CEMIP: variants seen among roughly 807,000 people sequenced by gnomAD.
CEMIP encodes cell migration-inducing and hyaluronan-binding protein.
CEMIP carries 105 observed loss-of-function variants against 156.9 expected under a neutral mutation model. The observed-to-expected ratio is 0.67, with a 90% confidence interval of 0.57 to 0.79. The LOEUF (loss-of-function observed/expected upper bound fraction) is 0.79, where lower values mean the gene tolerates loss of function less well. Among genes scored for constraint, CEMIP ranks in the 30% least tolerant of loss-of-function variants. The probability of loss-of-function intolerance (pLI) is 0.00; values close to 1 mark genes in which losing one functional copy is unlikely to be tolerated. For synonymous variants in CEMIP, 676 were observed against 668.4 expected (o/e 1.01, Z -0.17); for missense variants, 1,457 against 1,769.4 (o/e 0.82, Z 3.17).
Position 80,895,988 on chromosome 15 carries a change from T to G in CEMIP, c.1339T>G (p.Ser447Ala). The change falls in exon 12 of 30, where the codon TCC (serine) becomes GCC (alanine). Residue 447 changes from serine (S) to alanine (A), a missense_variant. Physicochemically the swap from Ser to Ala is moderately conservative, Grantham distance 99. Transcript: ENST00000394685. Reference protein sequence around the residue: ...DTLVIASTDYSMYQAEEFQVL... With the variant: ...DTLVIASTDYAMYQAEEFQVL... Reference sequence around the variant, plus strand: ...CCTGGTCATTGCCAGTACTGATTACTCCATGTACCAGGCAGAAGAGTTCCA... The same window carrying G: ...CCTGGTCATTGCCAGTACTGATTACGCCATGTACCAGGCAGAAGAGTTCCA... 6.2e-7 allele frequency: 1 copy of G among 1,614,192 alleles called. No individual in the cohort carries two copies. Among genetic ancestry groups the G allele is most frequent in the Non-Finnish European group, 8.5e-7 (1 of 1,180,030 alleles).
chr15:80,817,600 C>CAA (rs1896815493), intron 1 of CEMIP, among the ~76,000 whole-genome samples: 1 of 57,074 alleles, frequency 1.8e-5, no homozygotes, highest in Non-Finnish European at 3.6e-5. Flanking sequence ...GACCCTGTCT[C>CAA]AAAATAATAA....
At chr15:80,835,685 A>G (rs1291195545) in intron 1 of CEMIP, among the ~76,000 whole-genome samples, 4 of 152,210 alleles carry the variant, frequency 2.6e-5, no homozygotes, top group African/African-American at 7.2e-5. Flanking sequence ...GACATTGTGT[A>G]TGTTCACCTG....
chr15:80,879,632 G>A (rs1445742648), intron 4 of CEMIP, 84 bp from the exon 5 acceptor site: 4 of 1,535,446 alleles, frequency 2.6e-6, no homozygotes, highest in Middle Eastern at 1.7e-4. Context: ...GATGGGGAGT[G>A]CTTAGGGAGT....
At chr15:80,920,339 G>A in intron 15 of CEMIP, 40 bp downstream of exon 15, 2 of 1,572,266 alleles carry the variant, frequency 1.3e-6, no homozygotes, top group Non-Finnish European at 1.7e-6. Context: ...GGGGGGAAGG[G>A]GTGTACATGT....
intron 1 of CEMIP, among the ~76,000 whole-genome samples, chr15:80,828,349 C>T (rs778099668): frequency 6.6e-6 from 1 of 151,448 alleles, no homozygotes; most frequent in Non-Finnish European, 1.5e-5. Context: ...CACTGCACTC[C>T]AGCCTGGGTG....
At chr15:80,885,451 C>G (rs551222417) in intron 7 of CEMIP, among the ~76,000 whole-genome samples, 1 of 152,208 alleles carries the variant, frequency 6.6e-6, no homozygotes. Context: ...GCATTGCAAG[C>G]CTCCTTTGTT....
chr15:80,857,685 A>G (rs1897887303), intron 1 of CEMIP, among the ~76,000 whole-genome samples: 1 of 152,136 alleles, frequency 6.6e-6, no homozygotes, highest in South Asian at 2.1e-4. Context: ...GGTGATGCTG[A>G]TGTTGCTGGT....
At chr15:80,815,962 A>T (rs971927605) in intron 1 of CEMIP, among the ~76,000 whole-genome samples, 1 of 152,208 alleles carries the variant, frequency 6.6e-6, no homozygotes, top group Non-Finnish European at 1.5e-5. Context: ...TTTTCCTGGG[A>T]TGAGTCCATT....
At chr15:80,936,595 A>T in intron 23 of CEMIP, 79 bp from the exon 24 acceptor site, 1 of 1,258,974 alleles carries the variant, frequency 7.9e-7, no homozygotes, top group Non-Finnish European at 1.2e-6. Context: ...TGCGGTCTAT[A>T]GTCAGATGTT....
At chr15:80,944,796 A>G (rs539804948) in intron 28 of CEMIP, among the ~76,000 whole-genome samples, 6 of 152,324 alleles carry the variant, frequency 3.9e-5, no homozygotes, top group Admixed American at 2.0e-4. Flanking sequence ...TTGAAATGAA[A>G]GATGATGCAG....
chr15:80,929,801 G>A (rs1039400426), intron 21 of CEMIP, among the ~76,000 whole-genome samples: 6 of 152,246 alleles, frequency 3.9e-5, no homozygotes, highest in Admixed American at 3.3e-4. Context: ...AGAATAGCAG[G>A]ACTGTCCTGA....
At chr15:80,782,986 T>A (rs1895836847) in intron 1 of CEMIP, among the ~76,000 whole-genome samples, 1 of 152,152 alleles carries the variant, frequency 6.6e-6, no homozygotes, top group African/African-American at 2.4e-5. Flanking sequence ...TGTAAAGTGG[T>A]AGAAACGAGC....
At chr15:80,893,904 G>A (rs1214161643) in intron 10 of CEMIP, among the ~76,000 whole-genome samples, 1 of 148,744 alleles carries the variant, frequency 6.7e-6, no homozygotes, top group Non-Finnish European at 1.5e-5. Flanking sequence ...TGGTCTCTAT[G>A]CCAAAGATGA....
intron 1 of CEMIP, among the ~76,000 whole-genome samples, chr15:80,849,674 A>T (rs1458018263): frequency 6.6e-6 from 1 of 150,848 alleles, no homozygotes; most frequent in Non-Finnish European, 1.5e-5. Flanking sequence ...ACCACCAGAG[A>T]GAGAGAGAGA....
intron 21 of CEMIP, among the ~76,000 whole-genome samples, chr15:80,930,536 T>A (rs182383762): frequency 1.4e-3 from 206 of 152,276 alleles, no homozygotes; most frequent in African/African-American, 4.8e-3. Flanking sequence ...AACCTAAGTA[T>A]AGAGCTAGTA....
chr15:80,807,230 ATTTTT>A (rs5814038), intron 1 of CEMIP, among the ~76,000 whole-genome samples: 2 of 139,114 alleles, frequency 1.4e-5, no homozygotes, highest in African/African-American at 2.7e-5. Flanking sequence ...TCTAGAGAGG[ATTTTT>A]TTTTTTTTTT....
In CEMIP at chr15:80,889,537, C is replaced by G; in HGVS notation, c.1031C>G (p.Ser344Ter). Residue 344 changes from serine to a stop codon, truncating the protein, a stop_gained, in exon 10 of 30, where the codon TCA becomes TGA. Coordinates refer to ENST00000394685, the MANE Select transcript of CEMIP (RefSeq NM_001293298.2). LOFTEE classifies it high-confidence loss of function. The stretch of plus-strand genomic sequence containing the variant: ...CAGACTAAAGGTGGGGAGAAAATTT[C>G]AGACCTCTGGAAAGCTCACCCAGGA... The part of the protein sequence containing the change: ...VSQTKGGEKI[S>*]DLWKAHPGKI... 6.2e-7 allele frequency: 1 copy of G among 1,614,160 alleles called. No homozygotes were observed. Among genetic ancestry groups the G allele is most frequent in the Non-Finnish European group, 8.5e-7 (1 of 1,180,006 alleles).
intron 1 of CEMIP, among the ~76,000 whole-genome samples, chr15:80,806,500 A>C (rs944614972): frequency 1.3e-5 from 2 of 152,208 alleles, no homozygotes; most frequent in African/African-American, 4.8e-5. Flanking sequence ...TCTTCCAGGA[A>C]CCAGGAAAGA....
In CEMIP at chr15:80,906,562, G is replaced by A; in HGVS notation, c.1412-101G>A. The A allele has an allele frequency of 8.3e-7, 1 of 1,202,352 alleles. No homozygotes were observed. The highest frequency in any genetic ancestry group is 1.4e-5 in the South Asian group (1 of 70,678). 74.5% of individuals were successfully genotyped at this position (1,202,352 alleles called of 1,614,324 possible). ...GAGACCACTGTGCACACCAGGCATG[G>A]CGATGAGTAAGCAGCAGCCATGGAG... is the stretch of plus-strand genomic sequence containing the variant. On this transcript the variant is annotated intron_variant, in intron 12 of 29. Coordinates refer to ENST00000394685, the MANE Select transcript of CEMIP (RefSeq NM_001293298.2). This position sits in a 1 kb window ranked among gnomAD's most constrained non-coding sequence, Gnocchi z 4.3.
Sources: gnomAD v4.1 joint callset for allele counts (sites outside exome capture counted in the v4.1 genomes callset) on GRCh38, gnomAD v4.1.1 for gene constraint, Gnocchi (gnomAD v3.1) non-coding constraint, MANE v1.5 for transcripts, NCBI Gene and HGNC (gene_info 2026-07-23, HGNC 2026-07-21) for gene names.